The following EIF4E variants were observed in gnomAD, a reference collection of about 807,000 sequenced individuals.
EIF4E encodes eukaryotic translation initiation factor 4E.
For synonymous variants in EIF4E, 71 were observed against 88.5 expected, an observed-to-expected ratio of 0.80 and a Z score of 1.11; for missense variants, 113 against 265.6, an observed-to-expected ratio of 0.43 and a Z score of 3.99.
intron 1 of EIF4E, among the ~76,000 whole-genome samples, chr4:98,918,439 T>C (rs1579183250): frequency 1.3e-5 from 2 of 151,466 alleles, no homozygotes; most frequent in South Asian, 4.2e-4. Context: ...TGTTTTTACA[T>C]ATAAACATTT....
At chr4:98,892,698 A>G (rs76569902) in intron 2 of EIF4E, among the ~76,000 whole-genome samples, 227 of 151,830 alleles carry the variant, frequency 1.5e-3, no homozygotes, top group Middle Eastern at 0.01. Flanking sequence ...AAAAAAAAAA[A>G]AAGAAGGCGA....
intron 1 of EIF4E, among the ~76,000 whole-genome samples, chr4:98,927,336 A>G (rs535312927): frequency 6.6e-6 from 1 of 152,318 alleles, no homozygotes; most frequent in South Asian, 2.1e-4. Flanking sequence ...TGTAGTCTAT[A>G]AGAGTTTTTG....
intron 1 of EIF4E, among the ~76,000 whole-genome samples, chr4:98,928,321 G>A (rs776570255): frequency 2.0e-5 from 3 of 151,916 alleles, no homozygotes; most frequent in Admixed American, 1.3e-4. Flanking sequence ...AGCATGGAGG[G>A]GCGAGGACAA....
At chr4:98,928,801 C>T in intron 1 of EIF4E, 5 of 1,465,442 alleles carry the variant, frequency 3.4e-6, no homozygotes, top group Non-Finnish European at 4.6e-6. Flanking sequence ...CCCAGAACCC[C>T]AGCTACCCTC....
rs183785953 is a variant in EIF4E at position 98,904,782 on chromosome 4, A to C, written c.19-2800T>G. On this transcript the variant is annotated intron_variant, in intron 1 of 6. Coordinates refer to ENST00000450253, the MANE Select transcript of EIF4E (RefSeq NM_001968.5). ...GCAAAACTCAGTCTCAAAACAAAACAAAAAAGGACACATGATTTTGTACTT... is the reference window on the plus strand; with the variant it reads ...GCAAAACTCAGTCTCAAAACAAAACCAAAAAGGACACATGATTTTGTACTT... Among the ~76,000 whole-genome samples, 262 of 148,842 alleles carry C rather than the reference A, an allele frequency of 1.8e-3. 1 individual carries two copies. Among genetic ancestry groups the C allele is most frequent in the African/African-American group, 5.9e-3 (244 of 41,294 alleles).
chr4:98,917,083 A>AACACACACACAC (rs751653561), intron 1 of EIF4E, among the ~76,000 whole-genome samples: 2 of 102,928 alleles, frequency 1.9e-5, no homozygotes, highest in Non-Finnish European at 3.6e-5. Flanking sequence ...ACCTTTTCTA[A>AACACACACACAC]ACACACACAC....
intron 1 of EIF4E, among the ~76,000 whole-genome samples, chr4:98,914,853 G>A (rs1725311788): frequency 6.6e-6 from 1 of 152,154 alleles, no homozygotes; most frequent in African/African-American, 2.4e-5. Flanking sequence ...TTGACACTGG[G>A]AAAGCTGTAC....
chr4:98,904,119 A>G (rs1724760917), intron 1 of EIF4E, among the ~76,000 whole-genome samples: 1 of 149,264 alleles, frequency 6.7e-6, no homozygotes, highest in African/African-American at 2.6e-5. Flanking sequence ...GGTTGGCCTA[A>G]CAGAGAAGAA....
intron 2 of EIF4E, among the ~76,000 whole-genome samples, chr4:98,893,393 T>C (rs72893541): frequency 0.067 from 10,255 of 152,230 alleles, 1,124 homozygotes; most frequent in African/African-American, 0.23. Context: ...ATGCTGTTTG[T>C]AAGCATTTTA....
chr4:98,903,357 T>TG (rs1007129241), intron 1 of EIF4E: 22 of 414,834 alleles, frequency 5.3e-5, no homozygotes, highest in Non-Finnish European at 8.4e-5. Flanking sequence ...TGAAAGAATA[T>TG]GGGTTTTTTT....
At chr4:98,903,616 T>C (rs1319444883) in intron 1 of EIF4E, 3 of 374,018 alleles carry the variant, frequency 8.0e-6, no homozygotes, top group Non-Finnish European at 1.6e-5. Flanking sequence ...GGGATATGTT[T>C]TTTCTTATCA....
intron 6 of EIF4E, among the ~76,000 whole-genome samples, chr4:98,882,540 T>A (rs1008165826): frequency 2.6e-4 from 40 of 152,120 alleles, no homozygotes; most frequent in Admixed American, 2.4e-3. Context: ...AGGTTTTTTT[T>A]ATACCTTCCA....
In EIF4E at chr4:98,881,040, C is replaced by T. The variant is rs1261818825; in HGVS notation, c.642G>A (p.Arg214=). ...AGAAGGTGTCTTCTTAAACAACAAA[C>T]CTATTTTTAGTGGTGGAGCCGCTCT... ...ATKSGSTTKN[R]FVV is the part of the protein sequence containing the mutation. Residue 214 remains arginine (R), a synonymous_variant, in exon 7 of 7, where the codon AGG becomes AGA. Coordinates refer to ENST00000450253, the MANE Select transcript of EIF4E (RefSeq NM_001968.5). 1.9e-6 allele frequency: 3 copies of T among 1,610,392 alleles called. No individual in the cohort carries two copies. In the African/African-American group the frequency reaches 4.0e-5, roughly 22 times the overall value.
At chr4:98,922,579 G>C (rs1186538559) in intron 1 of EIF4E, among the ~76,000 whole-genome samples, 1 of 151,108 alleles carries the variant, frequency 6.6e-6, no homozygotes, top group Non-Finnish European at 1.5e-5. Context: ...AGAAATAAAT[G>C]AGTTAATATA....
intron 1 of EIF4E, among the ~76,000 whole-genome samples, chr4:98,928,729 G>C (rs1029897604): frequency 5.9e-5 from 9 of 152,248 alleles, no homozygotes; most frequent in South Asian, 2.1e-4. Flanking sequence ...GCGGATCCCA[G>C]TACTCGCTGG....
At chr4:98,904,197 T>C (rs746525970) in intron 1 of EIF4E, among the ~76,000 whole-genome samples, 1 of 152,196 alleles carries the variant, frequency 6.6e-6, no homozygotes, top group Non-Finnish European at 1.5e-5. Context: ...CAGGGACTTA[T>C]GTCTGTAATT....
intron 3 of EIF4E, chr4:98,890,938 C>T: frequency 2.4e-6 from 1 of 408,800 alleles, no homozygotes; most frequent in Non-Finnish European, 4.5e-6. Context: ...TGTATCTTGG[C>T]AACCAGGAGT....
At chr4:98,886,761 G>C in intron 5 of EIF4E, 1 of 368,994 alleles carries the variant, frequency 2.7e-6, no homozygotes, top group Non-Finnish European at 5.2e-6. Flanking sequence ...TAGCAATGCT[G>C]TAAGAGGGTT....
At chr4:98,904,701 G>T (rs1367784090) in intron 1 of EIF4E, among the ~76,000 whole-genome samples, 1 of 152,138 alleles carries the variant, frequency 6.6e-6, no homozygotes, top group Non-Finnish European at 1.5e-5. Context: ...AACCCAGGAG[G>T]CAGAGATTGC....
Sources: gnomAD v4.1 joint callset for allele counts (sites outside exome capture counted in the v4.1 genomes callset) on GRCh38, gnomAD v4.1.1 for gene constraint, MANE v1.5 for transcripts, NCBI Gene and HGNC (gene_info 2026-07-23, HGNC 2026-07-21) for gene names.